KLF8: variants seen among roughly 807,000 people sequenced by gnomAD.
The protein encoded by KLF8 is KLF transcription factor 8.
KLF8 carries 10 observed loss-of-function variants against 18.2 expected under a neutral mutation model. The ratio of observed to expected loss-of-function variants is 0.55; its 90% confidence interval spans 0.34 to 0.93. The LOEUF is 0.93. Among genes scored for constraint, KLF8 ranks in the 40% least tolerant of loss-of-function variants. The pLI is 0.02. For missense variants in KLF8, 264 were observed against 277.9 expected, an observed-to-expected ratio of 0.95 and a Z score of 0.36; for synonymous variants, 109 against 97.3, an observed-to-expected ratio of 1.12 and a Z score of -0.71.
the KLF8 span, among the ~76,000 whole-genome samples, chrX:56,093,452 T>C: frequency 9.0e-6 from 1 of 110,851 alleles, no homozygotes; most frequent in Non-Finnish European, 1.9e-5. Flanking sequence ...ATTATGTATG[T>C]AACAAAATTG....
At chrX:56,034,529 A>G in the KLF8 span, among the ~76,000 whole-genome samples, 1 of 110,482 alleles carries the variant, frequency 9.1e-6, no homozygotes, top group Non-Finnish European at 1.9e-5. Context: ...ATTTTGTTTT[A>G]TGATTGACAC....
At chrX:55,931,086 A>G in the KLF8 span, among the ~76,000 whole-genome samples, 1 of 111,456 alleles carries the variant, frequency 9.0e-6, no homozygotes. Flanking sequence ...CCATTCAGGG[A>G]TTCTACTTCT....
the KLF8 span, among the ~76,000 whole-genome samples, chrX:56,202,764 T>C: frequency 9.0e-6 from 1 of 111,513 alleles, no homozygotes; most frequent in Non-Finnish European, 1.9e-5. Flanking sequence ...AATATCATTC[T>C]TTTTGTGGCT....
At chrX:56,057,593 G>T in the KLF8 span, among the ~76,000 whole-genome samples, 1 of 111,413 alleles carries the variant, frequency 9.0e-6, no homozygotes, top group Non-Finnish European at 1.9e-5. Context: ...AAGCCATGAT[G>T]CAGGTCCCTA....
the KLF8 span, among the ~76,000 whole-genome samples, chrX:56,093,903 A>ATG: frequency 3.1e-4 from 24 of 77,756 alleles, no homozygotes; most frequent in African/African-American, 9.5e-4. Context: ...CGTATATATT[A>ATG]TATGTGTGTG....
the KLF8 span, among the ~76,000 whole-genome samples, chrX:56,047,483 T>G: frequency 9.5e-6 from 1 of 105,730 alleles, no homozygotes; most frequent in Non-Finnish European, 1.9e-5. Context: ...TTCTCATTGT[T>G]CAATTCCCAC....
At chrX:56,153,486 C>T in the KLF8 span, among the ~76,000 whole-genome samples, 1 of 111,603 alleles carries the variant, frequency 9.0e-6, no homozygotes, top group Non-Finnish European at 1.9e-5. Context: ...TTGGCTCAAA[C>T]ATATGAAGAA....
At chrX:56,099,211 AATT>A in the KLF8 span, among the ~76,000 whole-genome samples, 3 of 111,782 alleles carry the variant, frequency 2.7e-5, no homozygotes, top group Non-Finnish European at 3.8e-5. Flanking sequence ...TTAACTTTAA[AATT>A]ATTATTATAT....
chrX:55,994,423 C>G, the KLF8 span, among the ~76,000 whole-genome samples: 1 of 108,431 alleles, frequency 9.2e-6, no homozygotes, highest in African/African-American at 3.4e-5. Flanking sequence ...AAATTTTGTT[C>G]AGTTTAGCTG....
the KLF8 span, among the ~76,000 whole-genome samples, chrX:56,201,420 C>T: frequency 2.7e-5 from 3 of 111,439 alleles, no homozygotes; most frequent in South Asian, 1.1e-3. Context: ...CAAACTCATA[C>T]ACACAAAAAC....
the KLF8 span, among the ~76,000 whole-genome samples, chrX:55,952,980 G>A: frequency 8.9e-6 from 1 of 111,776 alleles, no homozygotes; most frequent in Non-Finnish European, 1.9e-5. Context: ...TAACAACTAA[G>A]TGGTGAAGTC....
intron 1 of KLF8, among the ~76,000 whole-genome samples, chrX:56,244,928 G>GA (rs76369462): frequency 1.7e-4 from 19 of 110,779 alleles, no homozygotes; most frequent in Non-Finnish European, 3.4e-4. Context: ...TTAGCAGACA[G>GA]TTTTTCAGAA....
intron 2 of KLF8, among the ~76,000 whole-genome samples, chrX:56,257,599 A>G (rs766281084): frequency 8.9e-6 from 1 of 111,995 alleles, no homozygotes; most frequent in South Asian, 3.8e-4. Flanking sequence ...CATAAATAAG[A>G]ACATGCAGTA....
At chrX:55,918,154 C>A in the KLF8 span, among the ~76,000 whole-genome samples, 1 of 111,936 alleles carries the variant, frequency 8.9e-6, no homozygotes, top group East Asian at 2.8e-4. Flanking sequence ...TTGTTTCTAC[C>A]TCTGGGTTCC....
chrX:56,244,953 A>G (rs1015125175), intron 1 of KLF8, among the ~76,000 whole-genome samples: 12 of 112,053 alleles, frequency 1.1e-4, no homozygotes, highest in African/African-American at 3.9e-4. Flanking sequence ...GGTGCTCACC[A>G]GATTTGAGGT....
chrX:56,209,956 T>C, the KLF8 span, among the ~76,000 whole-genome samples: 9 of 112,261 alleles, frequency 8.0e-5, no homozygotes, highest in African/African-American at 2.9e-4. Flanking sequence ...CCTCCTGCTT[T>C]TTAATTTTTT....
the KLF8 span, among the ~76,000 whole-genome samples, chrX:56,142,152 T>C: frequency 1.8e-5 from 2 of 111,608 alleles, no homozygotes; most frequent in African/African-American, 6.5e-5. Context: ...AGTAAACCAT[T>C]AAACTATCTT....
the KLF8 span, among the ~76,000 whole-genome samples, chrX:55,975,858 C>T: frequency 2.1e-4 from 23 of 111,645 alleles, no homozygotes; most frequent in Admixed American, 2.2e-3. Context: ...GCCTGTAATC[C>T]CGGCACTTTG....
At chrX:55,996,632 A>C in the KLF8 span, among the ~76,000 whole-genome samples, 2 of 111,699 alleles carry the variant, frequency 1.8e-5, no homozygotes, top group African/African-American at 6.5e-5. Context: ...CTGGGGTCGA[A>C]GGATTAGCGC....
Sources: allele counts gnomAD v4.1 joint callset (sites outside exome capture counted in the v4.1 genomes callset), GRCh38; gene constraint gnomAD v4.1.1; transcripts MANE v1.5; gene names NCBI Gene and HGNC (gene_info 2026-07-23, HGNC 2026-07-21).